Variants in RALYL observed in about 807,000 individuals in gnomAD.
RALYL encodes RALY RNA binding protein like.
In RALYL, 29 loss-of-function variants were observed where a neutral mutation model predicts 35.1. That is an observed-to-expected ratio of 0.83 (90% CI 0.61 to 1.13). The LOEUF (loss-of-function observed/expected upper bound fraction) is 1.13. Among genes scored for constraint, RALYL ranks in the 50% most tolerant of loss-of-function variants. RALYL has a pLI of 0.00. For synonymous variants in RALYL, 120 were observed against 127.6 expected (o/e 0.94, Z 0.40); for missense variants, 359 against 360.4 (o/e 1.00, Z 0.03).
intron 2 of RALYL, among the ~76,000 whole-genome samples, chr8:84,693,945 A>T (rs1838608522): frequency 6.6e-6 from 1 of 151,902 alleles, no homozygotes; most frequent in Admixed American, 6.6e-5. Context: ...GCTCTCAACA[A>T]ATTAGGTATA....
At chr8:84,472,057 C>T (rs1197982323) in intron 1 of RALYL, among the ~76,000 whole-genome samples, 1 of 152,044 alleles carries the variant, frequency 6.6e-6, no homozygotes. Context: ...ATGAATAGTA[C>T]TTTATTTTTT....
At chr8:84,296,794 TG>T (rs1280893037) in intron 1 of RALYL, among the ~76,000 whole-genome samples, 1 of 151,916 alleles carries the variant, frequency 6.6e-6, no homozygotes, top group Non-Finnish European at 1.5e-5. Flanking sequence ...AAGCATCTGG[TG>T]GGGACATGCA....
intron 2 of RALYL, among the ~76,000 whole-genome samples, chr8:84,692,231 C>T (rs1324515634): frequency 6.6e-6 from 1 of 151,834 alleles, no homozygotes; most frequent in East Asian, 1.9e-4. Context: ...GATGTCATAG[C>T]CACTGAAGAC....
chr8:84,542,345 T>C (rs949857220), intron 2 of RALYL, among the ~76,000 whole-genome samples: 1 of 152,144 alleles, frequency 6.6e-6, no homozygotes, highest in Non-Finnish European at 1.5e-5. Flanking sequence ...ATAATATATG[T>C]TTCAGCATAT....
At chr8:84,552,983 CAT>C (rs2060852238) in intron 2 of RALYL, among the ~76,000 whole-genome samples, 1 of 152,024 alleles carries the variant, frequency 6.6e-6, no homozygotes, top group African/African-American at 2.4e-5. Context: ...AATTCACACA[CAT>C]ACATACATAA....
chr8:84,701,648 G>A (rs986185207), intron 2 of RALYL, among the ~76,000 whole-genome samples: 2 of 152,124 alleles, frequency 1.3e-5, no homozygotes, highest in Non-Finnish European at 2.9e-5. Flanking sequence ...GGAGGATCAG[G>A]AAGAGAGGGG....
chr8:84,565,766 C>T (rs1027616550), intron 2 of RALYL, among the ~76,000 whole-genome samples: 2 of 151,580 alleles, frequency 1.3e-5, no homozygotes, highest in African/African-American at 4.8e-5. Context: ...CAAATTTTAA[C>T]TTTGCTATTT....
intron 2 of RALYL, among the ~76,000 whole-genome samples, chr8:84,686,863 T>G (rs1836919610): frequency 6.6e-6 from 1 of 152,210 alleles, no homozygotes. Flanking sequence ...ACCTTCATTT[T>G]ATATATGTGC....
At chr8:84,467,267 C>G (rs1323594017) in intron 1 of RALYL, among the ~76,000 whole-genome samples, 4 of 151,780 alleles carry the variant, frequency 2.6e-5, no homozygotes, top group African/African-American at 9.7e-5. Context: ...CCTGCTTTCT[C>G]TTGTGGGCAT....
intron 2 of RALYL, among the ~76,000 whole-genome samples, chr8:84,573,825 G>C (rs1386787222): frequency 1.3e-5 from 2 of 151,680 alleles, no homozygotes; most frequent in South Asian, 4.1e-4. Context: ...CTTCACTTCT[G>C]ATAATTGTCT....
intron 1 of RALYL, among the ~76,000 whole-genome samples, chr8:84,237,233 A>G (rs985319337): frequency 1.3e-5 from 2 of 152,222 alleles, no homozygotes; most frequent in Non-Finnish European, 2.9e-5. Flanking sequence ...GTGCAGCAGG[A>G]TTCTCTTGGT....
intron 1 of RALYL, among the ~76,000 whole-genome samples, chr8:84,347,929 G>A (rs1452029432): frequency 6.6e-6 from 1 of 152,052 alleles, no homozygotes; most frequent in African/African-American, 2.4e-5. Context: ...GCTCTCCCCA[G>A]TAGTAGATAG....
At chr8:84,674,309 G>A (rs1389793847) in intron 2 of RALYL, among the ~76,000 whole-genome samples, 1 of 152,170 alleles carries the variant, frequency 6.6e-6, no homozygotes, top group Non-Finnish European at 1.5e-5. Flanking sequence ...ATAGGACCAT[G>A]TCTTCTGCAA....
At chr8:84,845,804 C>G (rs768507339) in intron 4 of RALYL, among the ~76,000 whole-genome samples, 3 of 152,250 alleles carry the variant, frequency 2.0e-5, no homozygotes, top group Non-Finnish European at 4.4e-5. Context: ...TTCAATCTAT[C>G]TTGAGTCAGT....
chr8:84,697,163 G>C (rs1160613330), intron 2 of RALYL, among the ~76,000 whole-genome samples: 3 of 151,832 alleles, frequency 2.0e-5, no homozygotes, highest in Non-Finnish European at 4.4e-5. Flanking sequence ...GAAATAATTA[G>C]AAATTTTGGA....
At chr8:84,745,381 T>A (rs951196160) in intron 2 of RALYL, among the ~76,000 whole-genome samples, 10 of 152,006 alleles carry the variant, frequency 6.6e-5, no homozygotes, top group South Asian at 2.1e-4. Flanking sequence ...GATGAAAAAA[T>A]TTTAGTGCTA....
chr8:84,697,326 C>T (rs1280977279), intron 2 of RALYL, among the ~76,000 whole-genome samples: 1 of 151,852 alleles, frequency 6.6e-6, no homozygotes, highest in Non-Finnish European at 1.5e-5. Flanking sequence ...ATGAATAAAT[C>T]TTCTTAATGT....
chr8:84,197,584 C>T lies in RALYL; in HGVS notation c.-24+13160C>T, dbSNP rs114988083. On this transcript the variant is annotated intron_variant, in intron 1 of 8. Coordinates refer to ENST00000521268, the MANE Select transcript of RALYL (RefSeq NM_173848.7). ...AACCATTGCTTTATTTTTCTACTTC[C>T]CCTTGATCTCCATCCATTGAGCTCC... 2.0e-3 allele frequency among the ~76,000 whole-genome samples: 307 copies of T among 151,884 alleles called. 1 individual carries two copies. Among genetic ancestry groups the T allele is most frequent in the African/African-American group, 7.0e-3 (290 of 41,452 alleles).
intron 1 of RALYL, among the ~76,000 whole-genome samples, chr8:84,415,205 G>GTTTTTTTTTTTTTT (rs33962115): frequency 3.7e-5 from 2 of 54,658 alleles, no homozygotes; most frequent in Non-Finnish European, 9.0e-5. Context: ...GCAGACACTC[G>GTTTTTTTTTTTTTT]TTTTTTTTTT....
Sources: allele counts gnomAD v4.1 joint callset (sites outside exome capture counted in the v4.1 genomes callset), GRCh38; gene constraint gnomAD v4.1.1; transcripts MANE v1.5; gene names NCBI Gene and HGNC (gene_info 2026-07-23, HGNC 2026-07-21).